The following ARHGAP15 variants were observed in gnomAD, a reference collection of about 807,000 sequenced individuals.
ARHGAP15 encodes rho GTPase-activating protein 15.
ARHGAP15 carries 51 observed loss-of-function variants against 63.7 expected under a neutral mutation model. The observed-to-expected ratio is 0.80, with a 90% CI of 0.64 to 1.01. ARHGAP15 has a LOEUF of 1.01. Ranked by LOEUF, ARHGAP15 falls within the 50% of genes least tolerant of loss-of-function variation. ARHGAP15 has a pLI of 0.00. For synonymous variants in ARHGAP15, 191 were observed against 193.8 expected (o/e 0.99, Z 0.12); for missense variants, 560 against 564.6 (o/e 0.99, Z 0.08).
chr2:143,221,996 A>G (rs916721691), intron 4 of ARHGAP15, among the ~76,000 whole-genome samples: 4 of 152,188 alleles, frequency 2.6e-5, no homozygotes, highest in African/African-American at 9.7e-5. Context: ...GCCTAACGTC[A>G]TCATATTTTT....
At chr2:143,613,173 C>T (rs2105221029) in intron 11 of ARHGAP15, among the ~76,000 whole-genome samples, 1 of 152,216 alleles carries the variant, frequency 6.6e-6, no homozygotes, top group African/African-American at 2.4e-5. Flanking sequence ...TAAAAATCTT[C>T]TAAACAATAA....
chr2:143,309,251 C>G (rs1338456562), intron 6 of ARHGAP15, among the ~76,000 whole-genome samples: 2 of 151,920 alleles, frequency 1.3e-5, no homozygotes, highest in Non-Finnish European at 2.9e-5. Flanking sequence ...GAACTTTGGC[C>G]AATACATCAG....
intron 10 of ARHGAP15, among the ~76,000 whole-genome samples, chr2:143,546,936 G>T (rs1042010934): frequency 1.3e-5 from 2 of 152,000 alleles, no homozygotes; most frequent in Non-Finnish European, 2.9e-5. Context: ...AAAAAAAGAA[G>T]ATGTAAGATT....
At chr2:143,160,918 T>C (rs1356844541) in intron 2 of ARHGAP15, among the ~76,000 whole-genome samples, 4 of 151,974 alleles carry the variant, frequency 2.6e-5, no homozygotes, top group African/African-American at 9.7e-5. Flanking sequence ...ACCACATATG[T>C]GGCTGCACCG....
intron 12 of ARHGAP15, among the ~76,000 whole-genome samples, chr2:143,661,179 T>A (rs1468121438): frequency 1.3e-5 from 2 of 152,200 alleles, no homozygotes; most frequent in Non-Finnish European, 2.9e-5. Context: ...TGTGATCAGA[T>A]CAGGCCCACC....
At chr2:143,679,146 A>G (rs1682971860) in intron 12 of ARHGAP15, among the ~76,000 whole-genome samples, 1 of 152,184 alleles carries the variant, frequency 6.6e-6, no homozygotes, top group African/African-American at 2.4e-5. Flanking sequence ...AAGGCTAAAA[A>G]AAAAAAATAT....
chr2:143,278,462 A>G (rs1262653637), intron 6 of ARHGAP15, among the ~76,000 whole-genome samples: 1 of 152,158 alleles, frequency 6.6e-6, no homozygotes, highest in Non-Finnish European at 1.5e-5. Context: ...TTAAGGCTCT[A>G]CTAGTAAAGA....
chr2:143,376,199 G>A (rs1002857114), intron 6 of ARHGAP15, among the ~76,000 whole-genome samples: 1 of 152,164 alleles, frequency 6.6e-6, no homozygotes, highest in African/African-American at 2.4e-5. Context: ...TTTTAAGATA[G>A]ATTTAAATTA....
intron 8 of ARHGAP15, among the ~76,000 whole-genome samples, chr2:143,475,319 G>A (rs1001052214): frequency 6.6e-6 from 1 of 152,334 alleles, no homozygotes; most frequent in Middle Eastern, 3.4e-3. Flanking sequence ...AGCCGTAGAC[G>A]ACATACTGTG....
chr2:143,202,176 G>A lies in ARHGAP15; in HGVS notation c.208G>A (p.Asp70Asn). The change falls in exon 3 of 14, where the codon GAT becomes AAT. Residue 70 changes from aspartate (D) to asparagine (N), a missense_variant. Transcript: ENST00000295095. ...RRNHSQHILK[D>N]VIPPLEQLMV... ...GAATCATTCACAGCATATCTTGAAAGATGTCATTCCTCCATTGGAACAACT... is the reference window on the plus strand; with the variant it reads ...GAATCATTCACAGCATATCTTGAAAAATGTCATTCCTCCATTGGAACAACT... 1 of 1,612,166 alleles carries A rather than the reference G, an allele frequency of 6.2e-7. No individual in the cohort carries two copies. The highest frequency in any genetic ancestry group is 1.1e-5 in the South Asian group (1 of 91,042).
intron 12 of ARHGAP15, among the ~76,000 whole-genome samples, chr2:143,667,599 A>G (rs1227566187): frequency 7.9e-5 from 12 of 151,566 alleles, no homozygotes; most frequent in East Asian, 1.9e-4. Flanking sequence ...AAAAAAAAAA[A>G]AAAAGAAAAG....
chr2:143,297,841 A>G (rs1682712988), intron 6 of ARHGAP15, among the ~76,000 whole-genome samples: 3 of 152,022 alleles, frequency 2.0e-5, no homozygotes, highest in African/African-American at 7.2e-5. Context: ...CAGTCAGGAA[A>G]TAATACAGAA....
In ARHGAP15 at chr2:143,430,177, CTTT is replaced by C. The variant is rs35690060; in HGVS notation, c.475-5410_475-5408del. Reference sequence around the variant, plus strand: ...TTTAATAAGAGAGTTGCCAAAGTAACTTTTTTTTTTTTTTTTGTAATCAGCATA... The same window carrying C: ...TTTAATAAGAGAGTTGCCAAAGTAACTTTTTTTTTTTTTGTAATCAGCATA... On this transcript the variant is annotated intron_variant, in intron 6 of 13. Transcript: ENST00000295095. 6.2e-5 allele frequency among the ~76,000 whole-genome samples: 9 copies of C among 144,052 alleles called. 1 individual carries two copies. The highest frequency in any genetic ancestry group is 7.7e-5 in the African/African-American group (3 of 39,074). The allele number at this position is 144,052 out of a possible 152,430, so 94.5% of individuals were successfully genotyped here.
intron 6 of ARHGAP15, among the ~76,000 whole-genome samples, chr2:143,418,156 A>G (rs1688767046): frequency 1.3e-5 from 2 of 152,236 alleles, no homozygotes; most frequent in South Asian, 4.1e-4. Context: ...TGAGAAACAC[A>G]TGCTACAGGC....
chr2:143,155,721 A>G (rs964970504), intron 2 of ARHGAP15, 66 bp downstream of exon 2: 1 of 1,460,104 alleles, frequency 6.8e-7, no homozygotes, highest in Non-Finnish European at 9.1e-7. Context: ...GGAAAAAAAA[A>G]AGCTAATTAG....
intron 5 of ARHGAP15, among the ~76,000 whole-genome samples, chr2:143,246,313 T>C (rs917932561): frequency 2.0e-5 from 3 of 151,978 alleles, no homozygotes; most frequent in African/African-American, 7.2e-5. Context: ...GAAGCTATCA[T>C]TAAACTTTAT....
intron 2 of ARHGAP15, among the ~76,000 whole-genome samples, chr2:143,164,452 G>A (rs1690422407): frequency 6.6e-6 from 1 of 151,972 alleles, no homozygotes; most frequent in Admixed American, 6.6e-5. Flanking sequence ...CCTTTGAGGT[G>A]ATGGATTTTT....
At chr2:143,588,105 C>T (rs556357701) in intron 11 of ARHGAP15, among the ~76,000 whole-genome samples, 1 of 152,244 alleles carries the variant, frequency 6.6e-6, no homozygotes, top group South Asian at 2.1e-4. Context: ...AAATTCCTCC[C>T]ACTCATTAGA....
chr2:143,174,917 C>T (rs948692549), intron 2 of ARHGAP15, among the ~76,000 whole-genome samples: 7 of 152,102 alleles, frequency 4.6e-5, no homozygotes, highest in African/African-American at 1.7e-4. Context: ...GAAGAAAATT[C>T]TCTTTGGGTA....
Sources: gnomAD v4.1 joint callset for allele counts (sites outside exome capture counted in the v4.1 genomes callset) on GRCh38, gnomAD v4.1.1 for gene constraint, MANE v1.5 for transcripts, NCBI Gene and HGNC (gene_info 2026-07-23, HGNC 2026-07-21) for gene names.